NFIX: variants seen among roughly 807,000 people sequenced by gnomAD.
The protein encoded by NFIX is nuclear factor 1 X-type.
A neutral mutation model predicts 53.3 loss-of-function variants in NFIX; 2 were observed. The observed-to-expected ratio is 0.04, with a 90% confidence interval of 0.02 to 0.12. NFIX has a LOEUF of 0.12. Ranked by LOEUF, NFIX falls within the 10% of genes least tolerant of loss-of-function variation. The pLI is 1.00. For missense variants in NFIX, 310 were observed against 674.5 expected (o/e 0.46, Z 5.99); for synonymous variants, 244 against 289.0 (o/e 0.84, Z 1.58).
In NFIX at chr19:13,051,319, CAA is replaced by C. The variant is rs1319611870; in HGVS notation, c.560-21726_560-21725del. 1.3e-5 allele frequency among the ~76,000 whole-genome samples: 2 copies of C among 152,108 alleles called. No individual in the cohort carries two copies. The highest frequency in any genetic ancestry group is 4.8e-5 in the African/African-American group (2 of 41,414). The stretch of plus-strand genomic sequence containing the variant: ...TCAGGTGGGCACATCACGGTGCTGC[CAA>C]AGACTCAAGGAGGAAGAGGGGTGTG... On this transcript the variant is annotated intron_variant, in intron 2 of 10. Transcript: ENST00000592199. The surrounding 1 kb of genome is among the most constrained non-coding windows in gnomAD (Gnocchi z 5.1).
At chr19:13,080,292 G>A (rs2017381258) in intron 7 of NFIX, among the ~76,000 whole-genome samples, 1 of 152,114 alleles carries the variant, frequency 6.6e-6, no homozygotes, top group Admixed American at 6.5e-5. Context: ...ACAGTTTCCT[G>A]CTCTATTACT....
chr19:13,089,705 T>C lies in NFIX; in HGVS notation c.1403-594T>C, dbSNP rs1013325618. Among the ~76,000 whole-genome samples, 3 of 152,232 alleles carry C rather than the reference T, an allele frequency of 2.0e-5. No homozygotes were observed. Among genetic ancestry groups the C allele is most frequent in the African/African-American group, 7.2e-5 (3 of 41,472 alleles). On this transcript the variant is annotated intron_variant, in intron 9 of 10. Coordinates refer to ENST00000592199, the MANE Select transcript of NFIX (RefSeq NM_001365902.3). The surrounding 1 kb of genome is among the most constrained non-coding windows in gnomAD (Gnocchi z 4.8). ...TTTGGGTTCCCCAAGCCTGCCTGCC[T>C]GGTCCTTGGGCCTGCCCAGAGTGGT...
rs1364519928 is a variant in NFIX, at chr19:13,036,232, C to G, written c.559+10680C>G. Among the ~76,000 whole-genome samples, 2 of 152,196 alleles carry G rather than the reference C, an allele frequency of 1.3e-5. No individual in the cohort carries two copies. The highest frequency in any genetic ancestry group is 4.8e-5 in the African/African-American group (2 of 41,452). On this transcript the variant is annotated intron_variant, in intron 2 of 10. Coordinates refer to ENST00000592199, the MANE Select transcript of NFIX (RefSeq NM_001365902.3). The surrounding 1 kb of genome is among the most constrained non-coding windows in gnomAD (Gnocchi z 4.7). Reference sequence around the variant, plus strand: ...CCTTCGTGTGGAGTAGACCCTTCGCCAACTGGCCTGGCGTGTCCGGGAGGC... The same window carrying G: ...CCTTCGTGTGGAGTAGACCCTTCGCGAACTGGCCTGGCGTGTCCGGGAGGC...
rs1201817005 is a variant in NFIX, at chr19:13,090,079, G to A, written c.1403-220G>A. Among the ~76,000 whole-genome samples, 1 of 152,164 alleles carries A rather than the reference G, an allele frequency of 6.6e-6. No homozygotes were observed. Among genetic ancestry groups the A allele is most frequent in the African/African-American group, 2.4e-5 (1 of 41,432 alleles). ...GTCGGGGGTGTAGTGTGTGTTCCTGGTCAGTGAGAGGATGAGGGTGTCCCT... is the reference window on the plus strand; with the variant it reads ...GTCGGGGGTGTAGTGTGTGTTCCTGATCAGTGAGAGGATGAGGGTGTCCCT... On this transcript the variant is annotated intron_variant, in intron 9 of 10. Coordinates refer to ENST00000592199, the MANE Select transcript of NFIX (RefSeq NM_001365902.3). This position sits in a 1 kb window ranked among gnomAD's most constrained non-coding sequence, Gnocchi z 6.6.
Position 13,089,026 on chromosome 19 carries a change from G to A in NFIX, c.1402+890G>A, listed in dbSNP as rs958850668. 5.9e-5 allele frequency among the ~76,000 whole-genome samples: 9 copies of A among 152,158 alleles called. No homozygotes were observed. The highest frequency in any genetic ancestry group is 9.6e-5 in the African/African-American group (4 of 41,508). On this transcript the variant is annotated intron_variant, in intron 9 of 10. Transcript: ENST00000592199. The surrounding 1 kb of genome is among the most constrained non-coding windows in gnomAD (Gnocchi z 4.8). ...GGCAGGCCACAGGCCAGGGCAGTTC[G>A]GTGGCGGTGGGAGGGGTGGCCCATC...
At chr19:13,032,576 A>G (rs995877862) in intron 2 of NFIX, among the ~76,000 whole-genome samples, 1 of 152,120 alleles carries the variant, frequency 6.6e-6, no homozygotes, top group Non-Finnish European at 1.5e-5. Flanking sequence ...TAGCATACAC[A>G]CTTCTTGGAG....
chr19:13,010,425 T>C (rs1361167292), intron 1 of NFIX, among the ~76,000 whole-genome samples: 1 of 152,258 alleles, frequency 6.6e-6, no homozygotes, highest in Non-Finnish European at 1.5e-5. Context: ...CGCTCTCGTA[T>C]AGTTGCTCCC....
At chr19:13,010,323 C>G (rs1358825277) in intron 1 of NFIX, among the ~76,000 whole-genome samples, 1 of 152,240 alleles carries the variant, frequency 6.6e-6, no homozygotes, top group African/African-American at 2.4e-5. Flanking sequence ...ACCCCCTGGC[C>G]CTGCGGCCCC....
chr19:13,079,787 T>G (rs1013952764), intron 7 of NFIX, among the ~76,000 whole-genome samples: 4 of 152,170 alleles, frequency 2.6e-5, no homozygotes, highest in African/African-American at 9.7e-5. Context: ...CTCAGCCCCC[T>G]AATGAAACCG....
chr19:13,078,779 C>A lies in NFIX; in HGVS notation c.1078+44C>A. 1.3e-6 allele frequency: 2 copies of A among 1,571,290 alleles called. No homozygotes were observed. Among genetic ancestry groups the A allele is most frequent in the Non-Finnish European group, 8.6e-7 (1 of 1,157,300 alleles). The stretch of plus-strand genomic sequence containing the variant: ...CGGAGGGGGGCAGTTGGGGAGGTGG[C>A]TGAGTATCTAGGGGCAGCTGGCCAG... On this transcript the variant is annotated intron_variant, in intron 7 of 10. Transcript: ENST00000592199. This position sits in a 1 kb window ranked among gnomAD's most constrained non-coding sequence, Gnocchi z 4.7.
In NFIX at chr19:13,014,810, T is replaced by A. The variant is rs2012565525; in HGVS notation, c.28-10211T>A. Among the ~76,000 whole-genome samples the A allele has an allele frequency of 6.6e-6, 1 of 151,898 alleles. No individual in the cohort carries two copies. Among genetic ancestry groups the A allele is most frequent in the Admixed American group, 6.6e-5 (1 of 15,262 alleles). On this transcript the variant is annotated intron_variant, in intron 1 of 10. Coordinates refer to ENST00000592199, the MANE Select transcript of NFIX (RefSeq NM_001365902.3). The surrounding 1 kb of genome is among the most constrained non-coding windows in gnomAD (Gnocchi z 4.4). ...AGTGGCTGAGCACGGCCTGGAGAGATGTGGGAGTTGGGGAAAGGACTTTTT... is the reference window on the plus strand; with the variant it reads ...AGTGGCTGAGCACGGCCTGGAGAGAAGTGGGAGTTGGGGAAAGGACTTTTT...
chr19:13,048,236 T>C (rs2015110979), intron 2 of NFIX, among the ~76,000 whole-genome samples: 1 of 152,168 alleles, frequency 6.6e-6, no homozygotes, highest in Non-Finnish European at 1.5e-5. Context: ...CTCTAAACTC[T>C]TCTTTCCAGC....
chr19:13,054,553 C>G (rs1186767219), intron 2 of NFIX, among the ~76,000 whole-genome samples: 1 of 152,086 alleles, frequency 6.6e-6, no homozygotes, highest in Non-Finnish European at 1.5e-5. Context: ...CTATGGCCCA[C>G]TCCTGGGAGT....
At chr19:13,024,091 A>G (rs2013127399) in intron 1 of NFIX, 3 of 1,030,316 alleles carry the variant, frequency 2.9e-6, no homozygotes, top group Middle Eastern at 3.0e-4. Context: ...ATTATTATTT[A>G]AACTTCAAAC....
chr19:13,064,726 G>A (rs1653186387), intron 2 of NFIX, among the ~76,000 whole-genome samples: 1 of 152,224 alleles, frequency 6.6e-6, no homozygotes. Flanking sequence ...GTGAGCTCCT[G>A]GGGAGGGGAG....
Position 13,078,698 on chromosome 19 carries a change from C to A in NFIX, c.1041C>A (p.Thr347=). Residue 347 remains threonine (T), a synonymous_variant, in exon 7 of 11, where the codon ACC becomes ACA. Transcript: ENST00000592199. This position sits in a 1 kb window ranked among gnomAD's most constrained non-coding sequence, Gnocchi z 4.7. Reference sequence around the variant, plus strand: ...GCAGCTCCCCGCGCATGGCTTTCACCCACCACCCGCTGCCTGTGCTTGCTG... The same window carrying A: ...GCAGCTCCCCGCGCATGGCTTTCACACACCACCCGCTGCCTGTGCTTGCTG... ...SQGSSPRMAF[T]HHPLPVLAGV... 6.3e-7 allele frequency: 1 copy of A among 1,599,974 alleles called. No homozygotes were observed. The highest frequency in any genetic ancestry group is 2.3e-5 in the East Asian group (1 of 44,298).
At chr19:13,004,661 G>A (rs1176055512) in intron 1 of NFIX, among the ~76,000 whole-genome samples, 1 of 152,012 alleles carries the variant, frequency 6.6e-6, no homozygotes, top group Non-Finnish European at 1.5e-5. Flanking sequence ...TCCCTGCCCT[G>A]GTTTGTAGAA....
At chr19:13,023,935 C>CCGGCG in intron 1 of NFIX, 1 of 486,332 alleles carries the variant, frequency 2.1e-6, no homozygotes. Flanking sequence ...CCCTGCTCCT[C>CCGGCG]CTCCTCCCCC....
At chr19:13,038,199 G>A (rs2014344484) in intron 2 of NFIX, among the ~76,000 whole-genome samples, 1 of 152,170 alleles carries the variant, frequency 6.6e-6, no homozygotes, top group South Asian at 2.1e-4. Flanking sequence ...AGCAAGCCCT[G>A]CCAGGCAGTA....
Sources: gnomAD v4.1 joint callset for allele counts (sites outside exome capture counted in the v4.1 genomes callset) on GRCh38, gnomAD v4.1.1 for gene constraint, Gnocchi (gnomAD v3.1) non-coding constraint, MANE v1.5 for transcripts, NCBI Gene and HGNC (gene_info 2026-07-23, HGNC 2026-07-21) for gene names.